DKK3: variants seen among roughly 807,000 people sequenced by gnomAD.
DKK3 encodes the protein dickkopf-related protein 3.
In DKK3, 22 loss-of-function variants were observed where a neutral mutation model predicts 33.2. The ratio of observed to expected loss-of-function variants is 0.66; its 90% CI spans 0.47 to 0.95. The LOEUF (loss-of-function observed/expected upper bound fraction) is 0.95, where lower values mean the gene tolerates loss of function less well. Ranked by LOEUF, DKK3 falls within the 40% of genes least tolerant of loss-of-function variation. DKK3 has a pLI of 0.00. For synonymous variants in DKK3, 194 were observed against 188.8 expected, an observed-to-expected ratio of 1.03 and a Z score of -0.23; for missense variants, 398 against 458.4, an observed-to-expected ratio of 0.87 and a Z score of 1.20.
chr11:12,003,769 T>G (rs1443021280), intron 1 of DKK3, among the ~76,000 whole-genome samples: 2 of 152,096 alleles, frequency 1.3e-5, no homozygotes, highest in East Asian at 3.9e-4. Context: ...GCTCAAAAAG[T>G]ATTTTCCTAT....
intron 3 of DKK3, among the ~76,000 whole-genome samples, chr11:11,995,940 T>C (rs1338473071): frequency 1.3e-5 from 2 of 152,218 alleles, no homozygotes; most frequent in East Asian, 1.9e-4. Flanking sequence ...TAGACAGGCA[T>C]ATAGTGTTAC....
intron 3 of DKK3, chr11:11,998,334 AG>A (rs1308297982): frequency 2.9e-6 from 1 of 344,926 alleles, no homozygotes; most frequent in African/African-American, 2.1e-5. Flanking sequence ...GGATTACAAA[AG>A]GGGTAGCCAT....
At chr11:12,001,755 G>A (rs1210550902) in intron 2 of DKK3, 1 of 152,316 alleles carries the variant, frequency 6.6e-6, no homozygotes, top group Non-Finnish European at 1.5e-5. Context: ...TCAGACAGGT[G>A]GTAGTTTGGG....
At position 12,008,267 on chromosome 11, in the gene DKK3, G is replaced by T; in HGVS notation, c.213+103C>A. On this transcript the variant is annotated intron_variant, in intron 1 of 6. Transcript: ENST00000683431. This position sits in a 1 kb window ranked among gnomAD's most constrained non-coding sequence, Gnocchi z 4.6. ...GCTGTCGGCCCTTCCCAGGCCCTGC[G>T]CGGGACCCGAGGTCCCTGGCCAGCG... 1 of 1,411,178 alleles carries T rather than the reference G, an allele frequency of 7.1e-7. No individual in the cohort carries two copies. The highest frequency in any genetic ancestry group is 9.4e-7 in the Non-Finnish European group (1 of 1,060,886). 87.4% of individuals were successfully genotyped at this position (1,411,178 alleles called of 1,614,324 possible). A position where few individuals can be genotyped will look rare whatever the true frequency, so the allele number is the denominator to read the frequency against.
intron 2 of DKK3, among the ~76,000 whole-genome samples, chr11:12,000,041 G>A (rs1848389814): frequency 6.6e-6 from 1 of 152,134 alleles, no homozygotes; most frequent in African/African-American, 2.4e-5. Flanking sequence ...CTGTATGTAT[G>A]GGTTGCATGA....
chr11:12,001,255 T>C (rs1390823812), intron 2 of DKK3, among the ~76,000 whole-genome samples: 1 of 152,242 alleles, frequency 6.6e-6, no homozygotes, highest in East Asian at 1.9e-4. Flanking sequence ...GTTCTGCTGG[T>C]AAACTCATTC....
intron 4 of DKK3, among the ~76,000 whole-genome samples, chr11:11,968,046 C>A (rs1198398193): frequency 6.6e-6 from 1 of 152,078 alleles, no homozygotes; most frequent in Non-Finnish European, 1.5e-5. Context: ...GAACTCCCGG[C>A]CTCAATAGAT....
chr11:11,994,886 C>T (rs1316222786), intron 3 of DKK3, among the ~76,000 whole-genome samples: 1 of 152,216 alleles, frequency 6.6e-6, no homozygotes, highest in Non-Finnish European at 1.5e-5. Flanking sequence ...GGCTCCAATA[C>T]ATTTAACAGG....
intron 3 of DKK3, among the ~76,000 whole-genome samples, chr11:11,993,709 G>T (rs4757730): frequency 0.073 from 11,050 of 152,116 alleles, 751 homozygotes; most frequent in Admixed American, 0.21. Flanking sequence ...CATAAATCAC[G>T]AAGTCAACGC....
intron 3 of DKK3, among the ~76,000 whole-genome samples, chr11:11,990,914 C>T (rs1023140451): frequency 6.6e-6 from 1 of 152,232 alleles, no homozygotes; most frequent in Non-Finnish European, 1.5e-5. Context: ...TTCTATTCTA[C>T]TTGCAAGATG....
intron 3 of DKK3, among the ~76,000 whole-genome samples, chr11:11,992,822 C>A (rs1848214032): frequency 6.6e-6 from 1 of 152,146 alleles, no homozygotes. Context: ...AAATAAACCT[C>A]TTTTCTTTGT....
rs1409914450 is a variant in DKK3, at chr11:11,967,104, G to A, written c.529-6C>T. 6.2e-7 allele frequency: 1 copy of A among 1,612,956 alleles called. No individual in the cohort carries two copies. The highest frequency in any genetic ancestry group is 8.5e-7 in the Non-Finnish European group (1 of 1,179,650). The stretch of plus-strand genomic sequence containing the variant: ...TCACTGTCCCGGGTGCAGAGCTGCA[G>A]ACAGGTGGAAAGAGCCTAGAGCCAG... On this transcript the variant is annotated splice_region_variant and splice_polypyrimidine_tract_variant and intron_variant, in intron 4 of 6. Transcript: ENST00000683431.
At chr11:11,993,422 T>C (rs1316772228) in intron 3 of DKK3, among the ~76,000 whole-genome samples, 1 of 152,144 alleles carries the variant, frequency 6.6e-6, no homozygotes, top group Non-Finnish European at 1.5e-5. Flanking sequence ...TTTTATACCA[T>C]CTCCACAGTA....
At chr11:11,983,271 C>T (rs920617944) in intron 3 of DKK3, among the ~76,000 whole-genome samples, 61 of 152,312 alleles carry the variant, frequency 4.0e-4, no homozygotes, top group African/African-American at 1.3e-3. Flanking sequence ...AGTCCCTCCA[C>T]ACTCTCAGCA....
chr11:12,007,152 T>C lies in DKK3; in HGVS notation c.213+1218A>G, dbSNP rs545994754. 2.2e-4 allele frequency among the ~76,000 whole-genome samples: 33 copies of C among 152,172 alleles called. No individual in the cohort carries two copies. In the East Asian group the frequency reaches 4.6e-3, roughly 21 times the overall value. ...CACTGCAAACTCCACAGGCTAACTG[T>C]TGTGGAGTGGGAGGGGAAATAGCCC... On this transcript the variant is annotated intron_variant, in intron 1 of 6. Transcript: ENST00000683431.
At chr11:11,997,749 C>G (rs1315210840) in intron 3 of DKK3, among the ~76,000 whole-genome samples, 1 of 152,164 alleles carries the variant, frequency 6.6e-6, no homozygotes, top group Non-Finnish European at 1.5e-5. Flanking sequence ...CGGCCAGCTC[C>G]CGACATTTGA....
chr11:11,975,235 GCA>G (rs1847808783), intron 3 of DKK3, among the ~76,000 whole-genome samples: 1 of 152,174 alleles, frequency 6.6e-6, no homozygotes, highest in Non-Finnish European at 1.5e-5. Flanking sequence ...GATCTTCCAC[GCA>G]CAGTCAGCTC....
At chr11:11,993,589 CTTTA>C (rs1288035910) in intron 3 of DKK3, among the ~76,000 whole-genome samples, 2 of 152,158 alleles carry the variant, frequency 1.3e-5, no homozygotes, top group East Asian at 3.8e-4. Context: ...CCCACATCAA[CTTTA>C]TTTATTTGGG....
At chr11:11,995,666 A>G (rs144474616) in intron 3 of DKK3, among the ~76,000 whole-genome samples, 3 of 152,350 alleles carry the variant, frequency 2.0e-5, no homozygotes, top group Non-Finnish European at 4.4e-5. Flanking sequence ...TTAATGCACA[A>G]TGGCTTGCCC....
Sources: allele counts gnomAD v4.1 joint callset (sites outside exome capture counted in the v4.1 genomes callset), GRCh38; gene constraint gnomAD v4.1.1; non-coding constraint Gnocchi (gnomAD v3.1); transcripts MANE v1.5; gene names NCBI Gene and HGNC (gene_info 2026-07-23, HGNC 2026-07-21).